CEP112: variants seen among roughly 807,000 people sequenced by gnomAD.
CEP112 encodes centrosomal protein 112.
In CEP112, 127 loss-of-function variants were observed where a neutral mutation model predicts 153.0. That is an observed-to-expected ratio of 0.83 (90% CI 0.72 to 0.96). The LOEUF (loss-of-function observed/expected upper bound fraction) is 0.96. CEP112 is among the 40% of genes least tolerant of loss of function. The pLI, the probability that CEP112 is intolerant of heterozygous loss-of-function variation, is 0.00. For synonymous variants in CEP112, 358 were observed against 374.4 expected, an observed-to-expected ratio of 0.96 and a Z score of 0.51; for missense variants, 1,089 against 1,101.2, an observed-to-expected ratio of 0.99 and a Z score of 0.16.
intron 12 of CEP112, among the ~76,000 whole-genome samples, chr17:66,051,891 G>A (rs2066457974): frequency 6.6e-6 from 1 of 152,088 alleles, no homozygotes; most frequent in Non-Finnish European, 1.5e-5. Flanking sequence ...CTATCATTAA[G>A]TTTCAAATAT....
chr17:65,644,282 C>T (rs2045311681), intron 24 of CEP112: 5 of 579,502 alleles, frequency 8.6e-6, no homozygotes, highest in Non-Finnish European at 1.5e-5. Flanking sequence ...ATCTGTTTTC[C>T]TAAGCTGGCA....
chr17:66,015,585 C>T (rs1192413643), intron 16 of CEP112, among the ~76,000 whole-genome samples: 2 of 152,196 alleles, frequency 1.3e-5, no homozygotes, highest in Non-Finnish European at 2.9e-5. Context: ...TGGCCTAAAA[C>T]ACAGCACACG....
At chr17:65,879,273 C>T (rs552593514) in intron 20 of CEP112, among the ~76,000 whole-genome samples, 1 of 152,234 alleles carries the variant, frequency 6.6e-6, no homozygotes, top group East Asian at 1.9e-4. Context: ...ATGACAGCAC[C>T]AAGAGGACAG....
chr17:65,692,133 C>T (rs232128), intron 23 of CEP112, among the ~76,000 whole-genome samples: 72,109 of 151,944 alleles, frequency 0.47, 17,438 homozygotes, highest in Middle Eastern at 0.56. Flanking sequence ...CAGTATTATT[C>T]CATCTATGTT....
At chr17:65,878,833 T>TA (rs368848280) in intron 20 of CEP112, among the ~76,000 whole-genome samples, 21,710 of 137,560 alleles carry the variant, frequency 0.16, 1,669 homozygotes, top group South Asian at 0.22. Flanking sequence ...GGCTCTTCCC[T>TA]AAAAAAAAAA....
intron 16 of CEP112, among the ~76,000 whole-genome samples, chr17:66,012,021 G>A (rs576557435): frequency 6.6e-6 from 1 of 152,030 alleles, no homozygotes; most frequent in Non-Finnish European, 1.5e-5. Flanking sequence ...AGGCTGTTTT[G>A]TCTGAAATTA....
At chr17:66,035,381 C>T (rs774491347) in intron 12 of CEP112, among the ~76,000 whole-genome samples, 10 of 152,144 alleles carry the variant, frequency 6.6e-5, no homozygotes, top group African/African-American at 1.9e-4. Flanking sequence ...CCTCTGTGAA[C>T]GTGCTACTTG....
intron 4 of CEP112, among the ~76,000 whole-genome samples, chr17:66,136,692 T>C (rs1490729518): frequency 6.6e-6 from 1 of 152,160 alleles, no homozygotes; most frequent in Non-Finnish European, 1.5e-5. Flanking sequence ...CAAAAAAGGA[T>C]TGAGCCAGTG....
intron 24 of CEP112, among the ~76,000 whole-genome samples, chr17:65,659,666 G>A: frequency 6.6e-6 from 1 of 152,322 alleles, no homozygotes; most frequent in East Asian, 1.9e-4. Context: ...ACACAGCAGA[G>A]AGAAAAGAAT....
intron 24 of CEP112, among the ~76,000 whole-genome samples, chr17:65,670,896 C>CG (rs1214265544): frequency 0.19 from 626 of 3,314 alleles, 2 homozygotes; most frequent in African/African-American, 0.34. Flanking sequence ...TGGTAGTGGG[C>CG]GGGGGGGGCG....
intron 18 of CEP112, among the ~76,000 whole-genome samples, chr17:65,937,565 G>T (rs1261103438): frequency 3.0e-5 from 3 of 98,588 alleles, no homozygotes; most frequent in Non-Finnish European, 6.2e-5. Context: ...CGGGAGGGAG[G>T]TGGGGGGGGT....
At chr17:65,685,705 C>T (rs1328471510) in intron 24 of CEP112, among the ~76,000 whole-genome samples, 1 of 116,610 alleles carries the variant, frequency 8.6e-6, no homozygotes, top group East Asian at 2.6e-4. Context: ...TGGTGTCTTG[C>T]TCTGTCGCCC....
chr17:66,190,009 G>A (rs1210729251), intron 1 of CEP112, among the ~76,000 whole-genome samples: 1 of 152,112 alleles, frequency 6.6e-6, no homozygotes, highest in East Asian at 1.9e-4. Flanking sequence ...TCCAGCCTGA[G>A]CAATAAAGTG....
At chr17:65,816,451 T>C (rs1568058411) in intron 21 of CEP112, among the ~76,000 whole-genome samples, 1 of 151,942 alleles carries the variant, frequency 6.6e-6, no homozygotes, top group Non-Finnish European at 1.5e-5. Flanking sequence ...CCCACCTTTT[T>C]CTCCTGAGTC....
Position 65,952,514 on chromosome 17 carries a change from T to C in CEP112, c.1872+8949A>G, listed in dbSNP as rs141834909. 8.5e-4 allele frequency among the ~76,000 whole-genome samples: 129 copies of C among 152,236 alleles called. 1 individual carries two copies. The highest frequency in any genetic ancestry group is 3.0e-3 in the African/African-American group (123 of 41,546). ...ACCACATTTCATTTATCCTTTCACCTTCTGAGGAATATTTTGGTTGCCCAA... is the reference window on the plus strand; with the variant it reads ...ACCACATTTCATTTATCCTTTCACCCTCTGAGGAATATTTTGGTTGCCCAA... On this transcript the variant is annotated intron_variant, in intron 18 of 26. Transcript: ENST00000535342.
chr17:65,827,736 ACTATGTTCT>A (rs2056898348), intron 21 of CEP112, among the ~76,000 whole-genome samples: 1 of 152,082 alleles, frequency 6.6e-6, no homozygotes. Flanking sequence ...CCCCATGTCC[ACTATGTTCT>A]CGTCACACTG....
intron 18 of CEP112, among the ~76,000 whole-genome samples, chr17:65,961,072 C>T (rs555943582): frequency 6.6e-6 from 1 of 151,204 alleles, no homozygotes; most frequent in Non-Finnish European, 1.5e-5. Flanking sequence ...TTCACAACTG[C>T]CAGTTGAAAA....
rs1453882793 is a variant in CEP112, at chr17:65,635,717, T to C, written c.*254A>G. 3.8e-6 allele frequency: 2 copies of C among 527,776 alleles called. No homozygotes were observed. Among genetic ancestry groups the C allele is most frequent in the African/African-American group, 3.9e-5 (2 of 51,636 alleles). 32.7% of individuals were successfully genotyped at this position (527,776 alleles called of 1,614,324 possible). The stretch of plus-strand genomic sequence containing the variant: ...AAATCACTTTGCCCAATATAAGCAG[T>C]TCTCAGCACATACTCAAATGCACAC... On this transcript the variant is annotated 3_prime_UTR_variant, in exon 27 of 27. Transcript: ENST00000535342.
intron 24 of CEP112, among the ~76,000 whole-genome samples, chr17:65,653,951 T>C (rs1443813283): frequency 1.4e-5 from 2 of 147,806 alleles, no homozygotes; most frequent in Non-Finnish European, 3.0e-5. Context: ...CCCAGCTGCT[T>C]GGGAGGCTGA....
Sources: allele counts gnomAD v4.1 joint callset (sites outside exome capture counted in the v4.1 genomes callset), GRCh38; gene constraint gnomAD v4.1.1; transcripts MANE v1.5; gene names NCBI Gene and HGNC (gene_info 2026-07-23, HGNC 2026-07-21).